Variants in COL19A1 observed in about 807,000 individuals in gnomAD.
COL19A1 encodes the protein collagen type XIX alpha 1 chain, also known as collagen alpha-1(XIX) chain.
Under a neutral mutation model 190.2 loss-of-function variants are expected in COL19A1, and 159 were observed. That is an observed-to-expected ratio of 0.84 (90% CI 0.73 to 0.95). The LOEUF (loss-of-function observed/expected upper bound fraction) is 0.95. Ranked by LOEUF, COL19A1 falls within the 40% of genes least tolerant of loss-of-function variation. The probability of loss-of-function intolerance (pLI) is 0.00; values close to 1 mark genes in which losing one functional copy is unlikely to be tolerated. For synonymous variants in COL19A1, 509 were observed against 458.9 expected, an observed-to-expected ratio of 1.11 and a Z score of -1.39; for missense variants, 1,418 against 1,431.9, an observed-to-expected ratio of 0.99 and a Z score of 0.16.
intron 11 of COL19A1, among the ~76,000 whole-genome samples, chr6:70,009,004 G>C (rs941057544): frequency 2.0e-5 from 3 of 151,944 alleles, no homozygotes; most frequent in Non-Finnish European, 4.4e-5. Flanking sequence ...AGAGCAGTTT[G>C]TCACTCTGAT....
At chr6:70,045,200 C>CT (rs768628433) in intron 14 of COL19A1, among the ~76,000 whole-genome samples, 2 of 150,786 alleles carry the variant, frequency 1.3e-5, no homozygotes, top group Non-Finnish European at 2.9e-5. Flanking sequence ...GTAACCCTAG[C>CT]TACTTGGGAG....
intron 14 of COL19A1, among the ~76,000 whole-genome samples, chr6:70,038,054 C>T (rs1779446348): frequency 6.6e-6 from 1 of 152,132 alleles, no homozygotes; most frequent in Non-Finnish European, 1.5e-5. Flanking sequence ...TGAATACCAA[C>T]TTACAATACA....
chr6:70,151,803 A>T (rs1787078026), intron 31 of COL19A1, among the ~76,000 whole-genome samples: 1 of 152,070 alleles, frequency 6.6e-6, no homozygotes, highest in South Asian at 2.1e-4. Context: ...ACCCTGGCTC[A>T]CTACTGTGAA....
Position 69,936,086 on chromosome 6 carries a change from T to C in COL19A1, c.748-699T>C, listed in dbSNP as rs540544590. 3.3e-5 allele frequency among the ~76,000 whole-genome samples: 5 copies of C among 152,256 alleles called. No individual in the cohort carries two copies. In the South Asian group the frequency reaches 6.2e-4, roughly 19 times the overall value. ...ATGGTGAGAAGTCTGGTACATGATG[T>C]TGAGAAAAAACAATGTGTTTATCCT... On this transcript the variant is annotated intron_variant, in intron 7 of 50. Coordinates refer to ENST00000620364, the MANE Select transcript of COL19A1 (RefSeq NM_001858.6).
At chr6:70,177,330 G>A (rs1765877539) in intron 42 of COL19A1, among the ~76,000 whole-genome samples, 1 of 151,896 alleles carries the variant, frequency 6.6e-6, no homozygotes, top group Non-Finnish European at 1.5e-5. Context: ...ATATAAGAAA[G>A]ATAAGATAAG....
chr6:70,100,073 T>G (rs1783528490), intron 15 of COL19A1, among the ~76,000 whole-genome samples: 1 of 152,232 alleles, frequency 6.6e-6, no homozygotes, highest in African/African-American at 2.4e-5. Flanking sequence ...TCAGCTTCAT[T>G]TTCCCCGCTT....
chr6:70,082,516 G>A (rs62420147), intron 15 of COL19A1, among the ~76,000 whole-genome samples: 6,185 of 152,138 alleles, frequency 0.041, 209 homozygotes, highest in South Asian at 0.11. Context: ...GGGTTCAAGC[G>A]ATTCTCCTGT....
intron 11 of COL19A1, 30 bp from the exon 12 acceptor site, chr6:70,023,597 T>A: frequency 6.3e-7 from 1 of 1,579,634 alleles, no homozygotes; most frequent in Non-Finnish European, 8.6e-7. Flanking sequence ...AGATATAAGA[T>A]TTTTCATTGT....
At chr6:70,114,811 C>A (rs1784471883) in intron 16 of COL19A1, among the ~76,000 whole-genome samples, 1 of 152,134 alleles carries the variant, frequency 6.6e-6, no homozygotes. Flanking sequence ...ACATATTCAT[C>A]ATCTGGAAAA....
chr6:70,052,523 T>C (rs1426050339), intron 14 of COL19A1, among the ~76,000 whole-genome samples: 2 of 152,228 alleles, frequency 1.3e-5, no homozygotes, highest in African/African-American at 2.4e-5. Context: ...TCCCGGAGTA[T>C]CTTTTTTTCT....
chr6:70,068,858 A>G (rs956027539), intron 15 of COL19A1, among the ~76,000 whole-genome samples: 1 of 152,080 alleles, frequency 6.6e-6, no homozygotes, highest in Non-Finnish European at 1.5e-5. Flanking sequence ...TAAATTATTG[A>G]CTTCACTGGC....
At chr6:70,110,861 A>T (rs1159451362) in intron 16 of COL19A1, among the ~76,000 whole-genome samples, 1 of 152,132 alleles carries the variant, frequency 6.6e-6, no homozygotes, top group African/African-American at 2.4e-5. Flanking sequence ...CTTGAAACCA[A>T]CTATTAAGAC....
At chr6:70,141,557 A>C (rs936364749) in intron 20 of COL19A1, among the ~76,000 whole-genome samples, 1 of 152,080 alleles carries the variant, frequency 6.6e-6, no homozygotes, top group African/African-American at 2.4e-5. Flanking sequence ...CTTTCTCTGA[A>C]GTTTTAATTC....
At chr6:70,134,923 A>G (rs1238648399) in intron 18 of COL19A1, among the ~76,000 whole-genome samples, 1 of 152,094 alleles carries the variant, frequency 6.6e-6, no homozygotes, top group Non-Finnish European at 1.5e-5. Flanking sequence ...TGAGGGCTCA[A>G]TCCCACAATG....
At chr6:69,923,325 G>A (rs963072267) in intron 4 of COL19A1, among the ~76,000 whole-genome samples, 9 of 152,096 alleles carry the variant, frequency 5.9e-5, no homozygotes, top group African/African-American at 2.2e-4. Flanking sequence ...AAAACCAGTA[G>A]CTTCAGAATC....
In COL19A1 at chr6:70,211,690, A is replaced by C. The variant is rs1290923774; in HGVS notation, c.*4416A>C. 6.6e-6 allele frequency among the ~76,000 whole-genome samples: 1 copy of C among 151,716 alleles called. No individual in the cohort carries two copies. Among genetic ancestry groups the C allele is most frequent in the Admixed American group, 6.6e-5 (1 of 15,174 alleles). On this transcript the variant is annotated 3_prime_UTR_variant, in exon 51 of 51. Coordinates refer to ENST00000620364, the MANE Select transcript of COL19A1 (RefSeq NM_001858.6). The stretch of plus-strand genomic sequence containing the variant: ...AAAGTCTCAGGCAATAGGACAGATG[A>C]GTGTCATCATTTTTATTGTGTGGCA...
At chr6:70,055,183 C>T (rs531146727) in intron 14 of COL19A1, among the ~76,000 whole-genome samples, 4 of 152,174 alleles carry the variant, frequency 2.6e-5, no homozygotes, top group African/African-American at 9.6e-5. Flanking sequence ...TACTAGTTTT[C>T]GCTTATAAGA....
At chr6:70,026,480 A>G (rs528284734) in intron 12 of COL19A1, among the ~76,000 whole-genome samples, 5 of 152,358 alleles carry the variant, frequency 3.3e-5, no homozygotes, top group African/African-American at 7.2e-5. Context: ...AAGTACAACC[A>G]TAAAGCATGA....
rs138755256 is a variant in COL19A1 at position 70,046,299 on chromosome 6, C to A, written c.1170+10360C>A. Among the ~76,000 whole-genome samples, 59 of 152,214 alleles carry A rather than the reference C, an allele frequency of 3.9e-4. No individual in the cohort carries two copies. In the East Asian group the frequency reaches 0.011, roughly 27 times the overall value. ...CCTCCTTCTCCCCTTGCTCTTCTTGCGTGATTTACACAAGAAGCCAGAATG... is the reference window on the plus strand; with the variant it reads ...CCTCCTTCTCCCCTTGCTCTTCTTGAGTGATTTACACAAGAAGCCAGAATG... On this transcript the variant is annotated intron_variant, in intron 14 of 50. Coordinates refer to ENST00000620364, the MANE Select transcript of COL19A1 (RefSeq NM_001858.6).
Sources: gnomAD v4.1 joint callset for allele counts (sites outside exome capture counted in the v4.1 genomes callset) on GRCh38, gnomAD v4.1.1 for gene constraint, MANE v1.5 for transcripts, NCBI Gene and HGNC (gene_info 2026-07-23, HGNC 2026-07-21) for gene names.